Variants in MYO3B observed in about 807,000 individuals in gnomAD.
The protein encoded by MYO3B is myosin IIIB, also known as myosin-IIIb.
MYO3B carries 156 observed loss-of-function variants against 174.6 expected under a neutral mutation model. That is an observed-to-expected ratio of 0.89 (90% CI 0.78 to 1.02). The LOEUF (loss-of-function observed/expected upper bound fraction) is 1.02. Among genes scored for constraint, MYO3B ranks in the 50% least tolerant of loss-of-function variants. MYO3B has a pLI of 0.00. For missense variants in MYO3B, 1,632 were observed against 1,639.4 expected (o/e 1.00, Z 0.08); for synonymous variants, 563 against 569.1 (o/e 0.99, Z 0.15).
chr2:170,267,448 A>G (rs539644115), intron 7 of MYO3B, among the ~76,000 whole-genome samples: 1 of 152,336 alleles, frequency 6.6e-6, no homozygotes, highest in South Asian at 2.1e-4. Context: ...GGTTTGGCAG[A>G]CTAGTTGGTT....
intron 8 of MYO3B, among the ~76,000 whole-genome samples, chr2:170,365,954 A>C (rs2094194966): frequency 6.6e-6 from 1 of 152,176 alleles, no homozygotes. Flanking sequence ...TTCCTGTGGA[A>C]CATCAGCATA....
intron 29 of MYO3B, among the ~76,000 whole-genome samples, chr2:170,515,828 G>C (rs371525934): frequency 6.6e-6 from 1 of 152,142 alleles, no homozygotes; most frequent in African/African-American, 2.4e-5. Context: ...CTCTCACTCA[G>C]TCTGTTTCAA....
intron 19 of MYO3B, among the ~76,000 whole-genome samples, chr2:170,403,277 AC>A (rs1460291429): frequency 6.6e-6 from 1 of 151,662 alleles, no homozygotes; most frequent in East Asian, 1.9e-4. Flanking sequence ...TATCTCTTCT[AC>A]TTTATTTAAC....
intron 7 of MYO3B, among the ~76,000 whole-genome samples, chr2:170,272,819 T>A (rs913216097): frequency 6.6e-6 from 1 of 152,224 alleles, no homozygotes; most frequent in Non-Finnish European, 1.5e-5. Flanking sequence ...CATGGGACGA[T>A]GTAGCAAGAT....
Position 170,392,722 on chromosome 2 carries a change from A to G in MYO3B, c.1791+227A>G, listed in dbSNP as rs145047745. ...AGGTCTATCCAAGAATGACTGCATC[A>G]GAATATAATCATTTTAACGAGAAGT... On this transcript the variant is annotated intron_variant, in intron 16 of 34. Coordinates refer to ENST00000408978, the MANE Select transcript of MYO3B (RefSeq NM_138995.5). Among the ~76,000 whole-genome samples the G allele has an allele frequency of 2.5e-3, 382 of 152,354 alleles. 2 individuals carry two copies. The highest frequency in any genetic ancestry group is 8.9e-3 in the African/African-American group (371 of 41,590).
intron 32 of MYO3B, among the ~76,000 whole-genome samples, chr2:170,573,153 C>CTA (rs34483699): frequency 0.087 from 12,886 of 147,820 alleles, 1,066 homozygotes; most frequent in East Asian, 0.21. Flanking sequence ...CTAGGGGATA[C>CTA]TATATATATA....
chr2:170,320,780 G>A (rs1224498054), intron 7 of MYO3B, among the ~76,000 whole-genome samples: 4 of 151,886 alleles, frequency 2.6e-5, no homozygotes, highest in African/African-American at 7.3e-5. Flanking sequence ...TGACCACAAT[G>A]CATTACAACT....
chr2:170,599,058 G>T (rs1192114292), intron 32 of MYO3B, among the ~76,000 whole-genome samples: 2 of 152,130 alleles, frequency 1.3e-5, no homozygotes, highest in Non-Finnish European at 2.9e-5. Context: ...TTCTCAGAGT[G>T]CTGTATGGCT....
chr2:170,407,879 AG>A (rs2094521126), intron 22 of MYO3B, 35 bp downstream of exon 22: 1 of 1,610,930 alleles, frequency 6.2e-7, no homozygotes, highest in African/African-American at 1.3e-5. Context: ...CTGCTCTTAA[AG>A]CTTTTGCAAG....
intron 7 of MYO3B, among the ~76,000 whole-genome samples, chr2:170,293,561 G>A (rs1260516768): frequency 1.3e-5 from 2 of 152,028 alleles, no homozygotes; most frequent in Non-Finnish European, 2.9e-5. Flanking sequence ...CAATCTCCGT[G>A]GTACTGTCTG....
At chr2:170,259,257 G>A (rs996212363) in intron 7 of MYO3B, among the ~76,000 whole-genome samples, 8 of 152,038 alleles carry the variant, frequency 5.3e-5, no homozygotes, top group African/African-American at 1.4e-4. Flanking sequence ...AATAGCTGAA[G>A]CAATCCTAAG....
intron 14 of MYO3B, 145 bp downstream of exon 14, chr2:170,387,453 G>T: frequency 1.2e-6 from 1 of 800,574 alleles, no homozygotes. Context: ...CAAAGGATCA[G>T]TGGTAGTTTT....
At chr2:170,327,860 C>CATATATATATATAT (rs201033292) in intron 7 of MYO3B, among the ~76,000 whole-genome samples, 174 of 102,504 alleles carry the variant, frequency 1.7e-3, no homozygotes, top group African/African-American at 4.4e-3. Flanking sequence ...GAATTATTAG[C>CATATATATATATAT]ATATATATAT....
intron 8 of MYO3B, among the ~76,000 whole-genome samples, chr2:170,364,050 C>T (rs1285375788): frequency 3.3e-5 from 5 of 152,172 alleles, no homozygotes; most frequent in Admixed American, 2.0e-4. Flanking sequence ...GGTTGAAACA[C>T]TGTCTTTTGC....
chr2:170,231,521 A>G (rs985934323), intron 6 of MYO3B, among the ~76,000 whole-genome samples: 3 of 152,210 alleles, frequency 2.0e-5, no homozygotes, highest in East Asian at 3.8e-4. Flanking sequence ...TCTTCTTCCT[A>G]AAATAAGCAG....
intron 23 of MYO3B, among the ~76,000 whole-genome samples, chr2:170,460,487 CAAAA>C (rs36000141): frequency 2.7e-5 from 2 of 73,704 alleles, no homozygotes; most frequent in African/African-American, 5.8e-5. Flanking sequence ...GACTCCGTCT[CAAAA>C]AAAAAAAAAA....
At chr2:170,428,246 T>G (rs2094680909) in intron 22 of MYO3B, among the ~76,000 whole-genome samples, 3 of 152,238 alleles carry the variant, frequency 2.0e-5, no homozygotes. Flanking sequence ...TCCAGGCCTC[T>G]GTAAAACCAC....
At chr2:170,550,085 C>G (rs1266609696) in intron 32 of MYO3B, among the ~76,000 whole-genome samples, 1 of 152,180 alleles carries the variant, frequency 6.6e-6, no homozygotes, top group East Asian at 1.9e-4. Flanking sequence ...AGACTGTATT[C>G]ATTTATGGGT....
chr2:170,492,304 A>G lies in MYO3B; in HGVS notation c.3015-6288A>G, dbSNP rs75928971. Among the ~76,000 whole-genome samples, 25 of 152,292 alleles carry G rather than the reference A, an allele frequency of 1.6e-4. No individual in the cohort carries two copies. In the East Asian group the frequency reaches 4.8e-3, roughly 29 times the overall value. On this transcript the variant is annotated intron_variant, in intron 25 of 34. Coordinates refer to ENST00000408978, the MANE Select transcript of MYO3B (RefSeq NM_138995.5). Reference sequence around the variant, plus strand: ...GTTTCCTCGTATGAATATGCCAGTTAGTACTCTGCTGAATGCTTGAGGATA... The same window carrying G: ...GTTTCCTCGTATGAATATGCCAGTTGGTACTCTGCTGAATGCTTGAGGATA...
Sources: allele counts gnomAD v4.1 joint callset (sites outside exome capture counted in the v4.1 genomes callset), GRCh38; gene constraint gnomAD v4.1.1; transcripts MANE v1.5; gene names NCBI Gene and HGNC (gene_info 2026-07-23, HGNC 2026-07-21).